RARB: variants seen among roughly 807,000 people sequenced by gnomAD.
The protein encoded by RARB is retinoic acid receptor beta, also known as HBV-activated protein.
Under a neutral mutation model 51.9 loss-of-function variants are expected in RARB, and 17 were observed. The observed-to-expected ratio is 0.33, with a 90% CI of 0.22 to 0.49. The LOEUF is 0.49. Ranked by LOEUF, RARB falls within the 20% of genes least tolerant of loss-of-function variation. The probability of loss-of-function intolerance (pLI) is 0.99; values close to 1 mark genes in which losing one functional copy is unlikely to be tolerated. For missense variants in RARB, 369 were observed against 550.8 expected, an observed-to-expected ratio of 0.67 and a Z score of 3.30; for synonymous variants, 215 against 195.4, an observed-to-expected ratio of 1.10 and a Z score of -0.84.
At chr3:25,191,701 G>T (rs924801062) in intron 5 of RARB, among the ~76,000 whole-genome samples, 1 of 152,074 alleles carries the variant, frequency 6.6e-6, no homozygotes, top group African/African-American at 2.4e-5. Context: ...TCTATGCAAG[G>T]ATTTGAAATG....
At chr3:25,237,142 T>C (rs1702320526) in intron 5 of RARB, among the ~76,000 whole-genome samples, 1 of 152,074 alleles carries the variant, frequency 6.6e-6, no homozygotes, top group Admixed American at 6.5e-5. Context: ...GTTAAAAGCT[T>C]TCTTGCATTA....
chr3:25,313,998 G>C lies in RARB; in HGVS notation c.178+139423G>C, dbSNP rs1462670118. Among the ~76,000 whole-genome samples the C allele has an allele frequency of 7.9e-5, 12 of 152,054 alleles. No individual in the cohort carries two copies. In the South Asian group the frequency reaches 1.2e-3, roughly 16 times the overall value. On this transcript the variant is annotated intron_variant, in intron 5 of 11. Transcript: ENST00000383772. ...AGGCAAGAGGATCCCTGGAGCCCAA[G>C]AGTTGGAGGTTGCACTGAGCTATGA...
At chr3:25,131,370 G>C (rs1699950681) in intron 3 of RARB, among the ~76,000 whole-genome samples, 1 of 152,022 alleles carries the variant, frequency 6.6e-6, no homozygotes, top group South Asian at 2.1e-4. Context: ...TATCGCACTA[G>C]AAATAATGGA....
intron 2 of RARB, among the ~76,000 whole-genome samples, chr3:24,946,841 G>C (rs540503700): frequency 2.6e-5 from 4 of 152,252 alleles, no homozygotes; most frequent in Non-Finnish European, 5.9e-5. Context: ...TTCCAGCCTG[G>C]GTGACAGGGT....
intron 5 of RARB, among the ~76,000 whole-genome samples, chr3:25,358,391 G>A (rs1018932384): frequency 3.9e-5 from 6 of 152,104 alleles, no homozygotes; most frequent in Non-Finnish European, 8.8e-5. Flanking sequence ...CTGGGACAAC[G>A]GGGTTTTCTA....
At chr3:25,090,347 TA>T (rs1023999436) in intron 3 of RARB, among the ~76,000 whole-genome samples, 6 of 152,178 alleles carry the variant, frequency 3.9e-5, no homozygotes, top group African/African-American at 1.4e-4. Flanking sequence ...TTCTTTTTTC[TA>T]ACAGCTTTGC....
chr3:25,035,568 T>C (rs903647553), intron 2 of RARB, among the ~76,000 whole-genome samples: 2 of 151,920 alleles, frequency 1.3e-5, no homozygotes, highest in Non-Finnish European at 2.9e-5. Context: ...AAAAATAGAA[T>C]CTCTTAGAAC....
chr3:25,199,962 G>A (rs1701349182), intron 5 of RARB, among the ~76,000 whole-genome samples: 1 of 152,086 alleles, frequency 6.6e-6, no homozygotes, highest in Admixed American at 6.6e-5. Flanking sequence ...TATACGCCCA[G>A]TAATGGGATG....
At chr3:25,233,907 C>T (rs1395693224) in intron 5 of RARB, among the ~76,000 whole-genome samples, 1 of 151,768 alleles carries the variant, frequency 6.6e-6, no homozygotes, top group Non-Finnish European at 1.5e-5. Flanking sequence ...TTGAGCTATC[C>T]TTGTGTCCCC....
intron 2 of RARB, among the ~76,000 whole-genome samples, chr3:24,954,961 C>G (rs761142366): frequency 1.3e-5 from 2 of 152,112 alleles, no homozygotes; most frequent in African/African-American, 2.4e-5. Flanking sequence ...AGATAATGCT[C>G]TTCTAGCAGT....
intron 2 of RARB, among the ~76,000 whole-genome samples, chr3:25,473,933 A>AAAAAAAAAAAAAAT (rs58599595): frequency 6.6e-6 from 1 of 150,882 alleles, no homozygotes; most frequent in African/African-American, 2.4e-5. Context: ...AAAAAAAAAA[A>AAAAAAAAAAAAAAT]CCTTTATCTT....
At chr3:25,001,014 A>G (rs1458791274) in intron 2 of RARB, among the ~76,000 whole-genome samples, 1 of 152,076 alleles carries the variant, frequency 6.6e-6, no homozygotes, top group Non-Finnish European at 1.5e-5. Context: ...CCACCAAAAC[A>G]TGGACTTGAG....
At chr3:25,258,550 C>A (rs1305540896) in intron 5 of RARB, among the ~76,000 whole-genome samples, 1 of 152,020 alleles carries the variant, frequency 6.6e-6, no homozygotes, top group Non-Finnish European at 1.5e-5. Context: ...GGAGTACCAA[C>A]CCTGAAGTGG....
intron 5 of RARB, among the ~76,000 whole-genome samples, chr3:25,203,459 T>C (rs1279922574): frequency 2.6e-5 from 4 of 152,214 alleles, no homozygotes; most frequent in African/African-American, 9.6e-5. Flanking sequence ...TATGTGTGAA[T>C]TTGATCCTGT....
intron 5 of RARB, among the ~76,000 whole-genome samples, chr3:25,296,895 T>C (rs1703927677): frequency 6.6e-6 from 1 of 152,170 alleles, no homozygotes; most frequent in African/African-American, 2.4e-5. Context: ...CTGGACAAGA[T>C]ATTTTGCAGG....
intron 2 of RARB, among the ~76,000 whole-genome samples, chr3:25,049,714 T>A (rs569016076): frequency 5.3e-5 from 8 of 152,252 alleles, no homozygotes; most frequent in Non-Finnish European, 8.8e-5. Context: ...TTATTTTAGC[T>A]CAGCATCTTC....
rs540899403 is a variant in RARB at position 25,521,911 on chromosome 3, C to A, written c.448+20588C>A. On this transcript the variant is annotated intron_variant, in intron 3 of 7. Transcript: ENST00000330688. ...AGTGAAACCTAATTCGTACTGTGCT[C>A]TGCTCCAAATACAGTAGAGAGAGAG... 3.9e-5 allele frequency among the ~76,000 whole-genome samples: 6 copies of A among 152,192 alleles called. No individual in the cohort carries two copies. In the East Asian group the frequency reaches 1.2e-3, roughly 30 times the overall value.
intron 3 of RARB, among the ~76,000 whole-genome samples, chr3:25,094,891 A>C (rs541570995): frequency 6.6e-5 from 10 of 152,164 alleles, no homozygotes; most frequent in African/African-American, 2.4e-4. Flanking sequence ...TCTGCTTCCT[A>C]ATTTTCAAAA....
At chr3:24,881,584 A>G (rs1357630184) in intron 2 of RARB, among the ~76,000 whole-genome samples, 6 of 152,250 alleles carry the variant, frequency 3.9e-5, no homozygotes, top group South Asian at 2.1e-4. Flanking sequence ...ATAATGAAAA[A>G]TAAAAACAGA....
Sources: allele counts gnomAD v4.1 joint callset (sites outside exome capture counted in the v4.1 genomes callset), GRCh38; gene constraint gnomAD v4.1.1; transcripts MANE v1.5; gene names NCBI Gene and HGNC (gene_info 2026-07-23, HGNC 2026-07-21).